TAS2R1: variants seen among roughly 807,000 people sequenced by gnomAD.
The protein encoded by TAS2R1 is taste receptor type 2 member 1.
For missense variants in TAS2R1, 370 were observed against 353.4 expected (o/e 1.05, Z -0.38); for synonymous variants, 141 against 134.2 (o/e 1.05, Z -0.35).
At chr5:9,706,424 C>T (rs1741613207) in intron 1 of TAS2R1, among the ~76,000 whole-genome samples, 1 of 152,224 alleles carries the variant, frequency 6.6e-6, no homozygotes, top group Non-Finnish European at 1.5e-5. Flanking sequence ...GTCTTCCGAG[C>T]AATTCCCAGA....
At chr5:9,668,063 T>C (rs1740673079) in intron 1 of TAS2R1, among the ~76,000 whole-genome samples, 2 of 152,132 alleles carry the variant, frequency 1.3e-5, no homozygotes, top group South Asian at 4.1e-4. Flanking sequence ...AATGGCCATA[T>C]TAAGAAAGAA....
At chr5:9,675,419 CTT>C (rs35909213) in intron 1 of TAS2R1, among the ~76,000 whole-genome samples, 4 of 135,746 alleles carry the variant, frequency 2.9e-5, no homozygotes, top group Admixed American at 7.4e-5. Context: ...TTTTCTTTTT[CTT>C]TTTTTTTTTT....
chr5:9,671,072 CT>C (rs1481100732), intron 1 of TAS2R1, among the ~76,000 whole-genome samples: 1 of 152,144 alleles, frequency 6.6e-6, no homozygotes, highest in East Asian at 1.9e-4. Flanking sequence ...GTAGAAAAGG[CT>C]TTTGATAAAA....
At chr5:9,703,591 T>C (rs927688277) in intron 1 of TAS2R1, among the ~76,000 whole-genome samples, 4 of 151,988 alleles carry the variant, frequency 2.6e-5, no homozygotes, top group Admixed American at 2.0e-4. Context: ...AGGAATGAGG[T>C]AGACCAATCC....
At chr5:9,632,962 A>G (rs924466396), upstream of TAS2R1, among the ~76,000 whole-genome samples, 3 of 151,928 alleles carry the variant, frequency 2.0e-5, no homozygotes, top group Admixed American at 6.6e-5. Flanking sequence ...AAAGTTTTCA[A>G]TTTACTTTGC....
At chr5:9,739,852 G>A in the TAS2R1 span, among the ~76,000 whole-genome samples, 18 of 152,292 alleles carry the variant, frequency 1.2e-4, no homozygotes, top group African/African-American at 4.3e-4. Context: ...TCCAAGCTAT[G>A]TCTTAGAATT....
intron 2 of TAS2R1, among the ~76,000 whole-genome samples, chr5:9,650,066 A>G (rs2126487503): frequency 6.6e-6 from 1 of 152,306 alleles, no homozygotes; most frequent in East Asian, 1.9e-4. Context: ...TAAAAAATAA[A>G]ATTAGTAGTA....
intron 1 of TAS2R1, among the ~76,000 whole-genome samples, chr5:9,689,318 G>A (rs377593783): frequency 2.0e-5 from 3 of 152,070 alleles, no homozygotes; most frequent in South Asian, 2.1e-4. Context: ...AGTCCTTCTC[G>A]AAGGGTGGTC....
the TAS2R1 span, among the ~76,000 whole-genome samples, chr5:9,804,604 T>A: frequency 2.0e-5 from 3 of 152,084 alleles, no homozygotes; most frequent in African/African-American, 7.2e-5. Context: ...CTCGAAACCA[T>A]GCAAATACAT....
the TAS2R1 span, among the ~76,000 whole-genome samples, chr5:9,881,055 G>C: frequency 6.6e-6 from 1 of 152,100 alleles, no homozygotes; most frequent in Non-Finnish European, 1.5e-5. Flanking sequence ...CTGGCTCTGA[G>C]GGATCCAGGC....
rs535153744 is a variant in TAS2R1, at chr5:9,708,856, A to G, written c.-242+3316T>C. Among the ~76,000 whole-genome samples, 11 of 152,242 alleles carry G rather than the reference A, an allele frequency of 7.2e-5. No homozygotes were observed. In the East Asian group the frequency reaches 2.1e-3, roughly 29 times the overall value. On this transcript the variant is annotated intron_variant, in intron 1 of 2. Coordinates refer to the TAS2R1 transcript ENST00000506620. The stretch of plus-strand genomic sequence containing the variant: ...ATTGGTGGCTCAGCAGTATCTCCAA[A>G]CACCCAGGCTCTGTCTGTTCCCCAA...
chr5:9,773,647 GTCTT>G, the TAS2R1 span, among the ~76,000 whole-genome samples: 1 of 152,238 alleles, frequency 6.6e-6, no homozygotes, highest in Non-Finnish European at 1.5e-5. Flanking sequence ...GTCTGGGAAA[GTCTT>G]TCTTTCTCTT....
At chr5:9,793,388 G>A in the TAS2R1 span, among the ~76,000 whole-genome samples, 1 of 152,242 alleles carries the variant, frequency 6.6e-6, no homozygotes, top group Non-Finnish European at 1.5e-5. Context: ...GCAAAAGGTA[G>A]TTCTTTCAAC....
chr5:9,684,795 C>T (rs1269796602), intron 1 of TAS2R1, among the ~76,000 whole-genome samples: 1 of 152,032 alleles, frequency 6.6e-6, no homozygotes, highest in Non-Finnish European at 1.5e-5. Context: ...ACATAGTATA[C>T]ATGTATCAAA....
chr5:9,690,173 T>C (rs1561379862), intron 1 of TAS2R1, among the ~76,000 whole-genome samples: 1 of 152,228 alleles, frequency 6.6e-6, no homozygotes, highest in African/African-American at 2.4e-5. Flanking sequence ...AACAGAATGT[T>C]ACCCCGCTAT....
chr5:9,656,733 T>C (rs1740424095), intron 2 of TAS2R1, among the ~76,000 whole-genome samples: 2 of 152,192 alleles, frequency 1.3e-5, no homozygotes, highest in Non-Finnish European at 2.9e-5. Flanking sequence ...CCCAGTCAAG[T>C]TGACATATAA....
chr5:9,709,788 C>T (rs561941164), intron 1 of TAS2R1, among the ~76,000 whole-genome samples: 3 of 152,282 alleles, frequency 2.0e-5, no homozygotes, highest in East Asian at 1.9e-4. Context: ...ATGAGAAGCT[C>T]GAAGCTGGAA....
chr5:9,883,631 A>G, the TAS2R1 span, among the ~76,000 whole-genome samples: 12 of 152,260 alleles, frequency 7.9e-5, no homozygotes, highest in African/African-American at 2.6e-4. Context: ...AGCTATTGAT[A>G]TGTAACAAGC....
At chr5:9,811,192 T>C in the TAS2R1 span, among the ~76,000 whole-genome samples, 17 of 152,264 alleles carry the variant, frequency 1.1e-4, 1 homozygote, top group African/African-American at 4.1e-4. Context: ...CATGCGAGGA[T>C]GCAGCAAGAA....
Sources: gnomAD v4.1 joint callset for allele counts (sites outside exome capture counted in the v4.1 genomes callset) on GRCh38, gnomAD v4.1.1 for gene constraint, MANE v1.5 for transcripts, NCBI Gene and HGNC (gene_info 2026-07-23, HGNC 2026-07-21) for gene names.